The following MDGA2 variants were observed in gnomAD, a reference collection of about 807,000 sequenced individuals.
MDGA2 encodes the protein MAM domain containing glycosylphosphatidylinositol anchor 2.
A neutral mutation model predicts 117.8 loss-of-function variants in MDGA2; 40 were observed. The ratio of observed to expected loss-of-function variants is 0.34; its 90% CI spans 0.26 to 0.44. MDGA2 has a LOEUF of 0.44. Among genes scored for constraint, MDGA2 ranks in the 20% least tolerant of loss-of-function variants. The pLI, the probability that MDGA2 is intolerant of heterozygous loss-of-function variation, is 1.00. For synonymous variants in MDGA2, 452 were observed against 439.0 expected (o/e 1.03, Z -0.37); for missense variants, 1,123 against 1,250.6 (o/e 0.90, Z 1.54).
In MDGA2 at chr14:46,972,601, C is replaced by T. The variant is rs554700594; in HGVS notation, c.1820-14958G>A. Among the ~76,000 whole-genome samples, 77 of 152,242 alleles carry T rather than the reference C, an allele frequency of 5.1e-4. 2 individuals are homozygous for T. In the South Asian group the frequency reaches 0.016, roughly 31 times the overall value. On this transcript the variant is annotated intron_variant, in intron 8 of 16. Coordinates refer to ENST00000399232, the MANE Select transcript of MDGA2 (RefSeq NM_001113498.3). Reference sequence around the variant, plus strand: ...AGAAGTTACATTTTCAAGCAACCCACACATTCCAGATAACAGGTTTAGATC... The same window carrying T: ...AGAAGTTACATTTTCAAGCAACCCATACATTCCAGATAACAGGTTTAGATC...
intron 2 of MDGA2, among the ~76,000 whole-genome samples, chr14:47,285,412 G>A (rs1191111082): frequency 6.6e-6 from 1 of 151,986 alleles, no homozygotes; most frequent in Non-Finnish European, 1.5e-5. Flanking sequence ...TTAGTTTGGT[G>A]TAAGCAATAA....
intron 2 of MDGA2, among the ~76,000 whole-genome samples, chr14:47,226,539 T>G (rs1465722462): frequency 6.6e-6 from 1 of 151,936 alleles, no homozygotes; most frequent in African/African-American, 2.4e-5. Flanking sequence ...ACTTAGTACT[T>G]CTCTTAAACA....
At chr14:47,470,327 C>T (rs778612243) in intron 1 of MDGA2, among the ~76,000 whole-genome samples, 21 of 143,220 alleles carry the variant, frequency 1.5e-4, no homozygotes, top group Admixed American at 7.3e-5. Flanking sequence ...CATGTGTTCT[C>T]ATTGTTCAAC....
chr14:47,457,694 A>T (rs1893384914), intron 1 of MDGA2, among the ~76,000 whole-genome samples: 1 of 152,130 alleles, frequency 6.6e-6, no homozygotes, highest in East Asian at 1.9e-4. Context: ...CTTTTAAAAA[A>T]TTTAGTTTAT....
intron 1 of MDGA2, among the ~76,000 whole-genome samples, chr14:47,364,608 T>C (rs1891193307): frequency 6.6e-6 from 1 of 152,236 alleles, no homozygotes; most frequent in African/African-American, 2.4e-5. Flanking sequence ...TGTTGAATGA[T>C]AACCAAATAA....
chr14:47,371,274 T>C (rs567222636), intron 1 of MDGA2, among the ~76,000 whole-genome samples: 1 of 151,942 alleles, frequency 6.6e-6, no homozygotes, highest in African/African-American at 2.4e-5. Context: ...AATGCTGATC[T>C]TTCTAATGCA....
At chr14:47,620,897 G>C (rs1453051105) in intron 1 of MDGA2, among the ~76,000 whole-genome samples, 1 of 152,102 alleles carries the variant, frequency 6.6e-6, no homozygotes, top group East Asian at 1.9e-4. Context: ...GCATGAGTTG[G>C]CAAAATTGCC....
chr14:47,288,586 G>A (rs1451815710), intron 2 of MDGA2, among the ~76,000 whole-genome samples: 4 of 152,084 alleles, frequency 2.6e-5, no homozygotes, highest in Non-Finnish European at 4.4e-5. Flanking sequence ...ACAAGAAGGG[G>A]CCAGGTTGTA....
chr14:47,602,627 C>A (rs577964479), intron 1 of MDGA2, among the ~76,000 whole-genome samples: 6 of 152,196 alleles, frequency 3.9e-5, no homozygotes, highest in Non-Finnish European at 8.8e-5. Flanking sequence ...TTTCTTTTTG[C>A]CCCCTTGGAG....
chr14:47,219,726 G>C (rs1296299808), intron 2 of MDGA2, among the ~76,000 whole-genome samples: 1 of 151,810 alleles, frequency 6.6e-6, no homozygotes, highest in African/African-American at 2.4e-5. Context: ...ACTGAATACA[G>C]TCATTAGAAA....
intron 1 of MDGA2, among the ~76,000 whole-genome samples, chr14:47,551,554 C>T (rs547445841): frequency 3.3e-5 from 5 of 152,100 alleles, no homozygotes; most frequent in Admixed American, 6.6e-5. Context: ...TAATTTCAAC[C>T]TTTCCCCCAA....
intron 9 of MDGA2, among the ~76,000 whole-genome samples, chr14:46,933,206 G>C (rs8022927): frequency 0.54 from 82,417 of 151,692 alleles, 22,853 homozygotes; most frequent in South Asian, 0.59. Flanking sequence ...ACACGTTCCA[G>C]AAAAGTTCAT....
intron 1 of MDGA2, among the ~76,000 whole-genome samples, chr14:47,607,237 C>T (rs752829949): frequency 6.6e-6 from 1 of 152,086 alleles, no homozygotes; most frequent in Non-Finnish European, 1.5e-5. Context: ...AACTTCTTTA[C>T]TCTCCTATGA....
At chr14:47,533,031 C>A (rs891567099) in intron 1 of MDGA2, among the ~76,000 whole-genome samples, 1 of 152,214 alleles carries the variant, frequency 6.6e-6, no homozygotes, top group Admixed American at 6.5e-5. Context: ...AAGTCAGCAT[C>A]TTTTCTGACA....
At chr14:47,336,242 C>T (rs957461204) in intron 1 of MDGA2, among the ~76,000 whole-genome samples, 2 of 151,834 alleles carry the variant, frequency 1.3e-5, no homozygotes, top group African/African-American at 4.8e-5. Flanking sequence ...CAAGTCATCA[C>T]TGACCACAAC....
chr14:47,082,103 C>T (rs1466515713), intron 6 of MDGA2, among the ~76,000 whole-genome samples: 1 of 152,036 alleles, frequency 6.6e-6, no homozygotes, highest in Non-Finnish European at 1.5e-5. Flanking sequence ...GTTCTATCAT[C>T]ATTGTTCTTC....
chr14:47,561,478 C>A (rs978740964), intron 1 of MDGA2, among the ~76,000 whole-genome samples: 1 of 151,922 alleles, frequency 6.6e-6, no homozygotes, highest in African/African-American at 2.4e-5. Context: ...TTATTTTATT[C>A]TTTTTCTAAG....
chr14:47,128,605 C>T (rs1012591692), intron 5 of MDGA2, among the ~76,000 whole-genome samples: 5 of 151,892 alleles, frequency 3.3e-5, no homozygotes, highest in Admixed American at 2.6e-4. Context: ...ATCCAATTTC[C>T]CCTTTTTTAA....
At chr14:46,899,925 A>C (rs892236179) in intron 10 of MDGA2, among the ~76,000 whole-genome samples, 3 of 152,060 alleles carry the variant, frequency 2.0e-5, no homozygotes, top group African/African-American at 7.2e-5. Context: ...AGAAGTAAAG[A>C]AATATGTAGG....
Sources: allele counts gnomAD v4.1 joint callset (sites outside exome capture counted in the v4.1 genomes callset), GRCh38; gene constraint gnomAD v4.1.1; transcripts MANE v1.5; gene names NCBI Gene and HGNC (gene_info 2026-07-23, HGNC 2026-07-21).